The following MYO10 variants were observed in gnomAD, a reference collection of about 807,000 sequenced individuals.
MYO10 encodes myosin X, also known as unconventional myosin-X.
MYO10 carries 133 observed loss-of-function variants against 257.3 expected under a neutral mutation model. That is an observed-to-expected ratio of 0.52 (90% CI 0.45 to 0.60). MYO10 has a LOEUF of 0.60. MYO10 is among the 20% of genes least tolerant of loss of function. The probability of loss-of-function intolerance (pLI) is 0.00; values close to 1 mark genes in which losing one functional copy is unlikely to be tolerated. For missense variants in MYO10, 2,399 were observed against 2,635.7 expected (o/e 0.91, Z 1.97); for synonymous variants, 1,104 against 1,028.6 (o/e 1.07, Z -1.40).
intron 2 of MYO10, among the ~76,000 whole-genome samples, chr5:16,823,708 G>C (rs1022693488): frequency 1.3e-5 from 2 of 150,228 alleles, no homozygotes; most frequent in African/African-American, 4.9e-5. Flanking sequence ...TCCTGACCTC[G>C]TGATCTGCCC....
At chr5:16,766,239 C>T (rs760366460) in intron 10 of MYO10, 41 bp from the exon 11 acceptor site, 1 of 1,497,794 alleles carries the variant, frequency 6.7e-7, no homozygotes, top group South Asian at 1.2e-5. Flanking sequence ...CCACCGCCCC[C>T]AAGAAGCTAA....
intron 15 of MYO10, 87 bp from the exon 16 acceptor site, chr5:16,762,200 C>T (rs1740736814): frequency 7.3e-7 from 1 of 1,370,996 alleles, no homozygotes; most frequent in African/African-American, 1.6e-5. Context: ...ACACTAAATA[C>T]AAAAGACAGT....
In MYO10 at chr5:16,703,149, G is replaced by A; in HGVS notation, c.2286C>T (p.Tyr762=). The A allele has an allele frequency of 6.3e-7, 1 of 1,592,058 alleles. No individual in the cohort carries two copies. Among genetic ancestry groups the A allele is most frequent in the Non-Finnish European group, 8.6e-7 (1 of 1,168,038 alleles). ...TCACCACACAATAAAGGACCTTTCT[G>A]TATTGTTTTCTGAAAATGAAAGAAA... is the stretch of plus-strand genomic sequence containing the variant. The part of the protein sequence containing the change: ...HVLGFLARKQ[Y]RKVLYCVVII... Residue 762 remains tyrosine, a synonymous_variant, in exon 23 of 41, where the codon TAC becomes TAT. Transcript: ENST00000513610.
intron 19 of MYO10, among the ~76,000 whole-genome samples, chr5:16,727,195 A>AT (rs1011566197): frequency 7.4e-4 from 112 of 151,856 alleles, no homozygotes; most frequent in African/African-American, 2.5e-3. Flanking sequence ...AAAAAAAACA[A>AT]TTTTTTTTTA....
Position 16,703,006 on chromosome 5 carries a change from T to C in MYO10, c.2429A>G (p.Gln810Arg), listed in dbSNP as rs1738157970. The part of the protein sequence containing the change: ...RGQIARRVYR[Q>R]LLAEKREQEE... ...TTGCTCCCTTTTCTCTGCCAGCAAT[T>C]GTCTGTAAACTCTCCGAGCAATCTG... Residue 810 changes from glutamine to arginine, a missense_variant, in exon 23 of 41, where the codon CAA becomes CGA. Gln to Arg is a conservative substitution (Grantham distance 43). Coordinates refer to ENST00000513610, the MANE Select transcript of MYO10 (RefSeq NM_012334.3). 1.3e-6 allele frequency: 2 copies of C among 1,552,450 alleles called. No individual in the cohort carries two copies. The highest frequency in any genetic ancestry group is 4.9e-5 in the East Asian group (2 of 40,962).
chr5:16,891,378 A>AG (rs1342964617), intron 1 of MYO10, among the ~76,000 whole-genome samples: 6 of 96,400 alleles, frequency 6.2e-5, no homozygotes, highest in Non-Finnish European at 1.2e-4. Flanking sequence ...GAAGGAAGGA[A>AG]GGAGAGAGAG....
chr5:16,920,294 C>A (rs75811925), intron 1 of MYO10, among the ~76,000 whole-genome samples: 10,543 of 151,932 alleles, frequency 0.069, 426 homozygotes, highest in African/African-American at 0.11. Context: ...ATAAGATAAA[C>A]AAAATAAATA....
At chr5:16,891,133 T>A (rs1745036565) in intron 1 of MYO10, among the ~76,000 whole-genome samples, 1 of 151,068 alleles carries the variant, frequency 6.6e-6, no homozygotes, top group Non-Finnish European at 1.5e-5. Flanking sequence ...AACATAACAT[T>A]AGAAAATTAG....
chr5:16,813,992 C>G (rs969925527), intron 3 of MYO10, among the ~76,000 whole-genome samples: 6 of 152,172 alleles, frequency 3.9e-5, no homozygotes, highest in African/African-American at 1.4e-4. Context: ...CCTCAGTCCT[C>G]CAACTGCAAG....
At chr5:16,928,799 C>T (rs1222860004) in intron 1 of MYO10, among the ~76,000 whole-genome samples, 1 of 149,794 alleles carries the variant, frequency 6.7e-6, no homozygotes, top group African/African-American at 2.5e-5. Context: ...GAGCCGAGAT[C>T]ACACCATTGC....
intron 4 of MYO10, among the ~76,000 whole-genome samples, chr5:16,788,672 C>G (rs1413977511): frequency 6.6e-6 from 1 of 151,906 alleles, no homozygotes; most frequent in Admixed American, 6.5e-5. Flanking sequence ...GTCCTGCAGA[C>G]TCAGAGAAGA....
intron 9 of MYO10, among the ~76,000 whole-genome samples, chr5:16,776,808 G>T (rs1741226224): frequency 6.6e-6 from 1 of 152,224 alleles, no homozygotes; most frequent in Admixed American, 6.5e-5. Flanking sequence ...CCAGGACAAG[G>T]GAGCTGCCAC....
chr5:16,807,243 T>C (rs1469067505), intron 3 of MYO10, among the ~76,000 whole-genome samples: 2 of 152,154 alleles, frequency 1.3e-5, no homozygotes, highest in Non-Finnish European at 2.9e-5. Flanking sequence ...TGTTCAGTGG[T>C]CCACTGGCTC....
At chr5:16,740,043 C>T (rs919265209) in intron 19 of MYO10, among the ~76,000 whole-genome samples, 6 of 152,082 alleles carry the variant, frequency 3.9e-5, no homozygotes, top group East Asian at 3.9e-4. Flanking sequence ...GAGTGAAGTG[C>T]TGAAGAGCTA....
At chr5:16,869,063 C>T (rs1472672674) in intron 2 of MYO10, among the ~76,000 whole-genome samples, 1 of 152,124 alleles carries the variant, frequency 6.6e-6, no homozygotes, top group African/African-American at 2.4e-5. Flanking sequence ...CTCGCTCTGT[C>T]GCCCAGCGTG....
intron 1 of MYO10, among the ~76,000 whole-genome samples, chr5:16,904,108 A>T (rs1745456491): frequency 1.5e-5 from 2 of 132,964 alleles, no homozygotes; most frequent in Admixed American, 1.4e-4. Flanking sequence ...ACCAGTAACC[A>T]GTGAAAGAAA....
chr5:16,874,575 A>C (rs1744545299), intron 2 of MYO10, among the ~76,000 whole-genome samples: 1 of 152,140 alleles, frequency 6.6e-6, no homozygotes, highest in African/African-American at 2.4e-5. Context: ...TCTTTGCTAA[A>C]ATATAACAAG....
At chr5:16,786,056 G>A (rs1250440355) in intron 4 of MYO10, among the ~76,000 whole-genome samples, 1 of 151,634 alleles carries the variant, frequency 6.6e-6, no homozygotes, top group South Asian at 2.1e-4. Flanking sequence ...TGTCCTCAGA[G>A]ATGGTACATC....
At chr5:16,929,673 C>A (rs1183756273) in intron 1 of MYO10, among the ~76,000 whole-genome samples, 1 of 152,164 alleles carries the variant, frequency 6.6e-6, no homozygotes, top group Non-Finnish European at 1.5e-5. Context: ...CAGCAACATG[C>A]CTGGCACATG....
Sources: gnomAD v4.1 joint callset for allele counts (sites outside exome capture counted in the v4.1 genomes callset) on GRCh38, gnomAD v4.1.1 for gene constraint, MANE v1.5 for transcripts, NCBI Gene and HGNC (gene_info 2026-07-23, HGNC 2026-07-21) for gene names.